DKK2: variants seen among roughly 807,000 people sequenced by gnomAD.
DKK2 encodes the protein dickkopf-related protein 2.
A neutral mutation model predicts 28.1 loss-of-function variants in DKK2; 11 were observed. That is an observed-to-expected ratio of 0.39 (90% CI 0.25 to 0.65). DKK2 has a LOEUF of 0.65. DKK2 is among the 30% of genes least tolerant of loss of function. The pLI is 0.47. For synonymous variants in DKK2, 135 were observed against 126.5 expected (o/e 1.07, Z -0.45); for missense variants, 326 against 335.5 (o/e 0.97, Z 0.22).
At chr4:106,966,136 T>C (rs1173331327) in intron 1 of DKK2, among the ~76,000 whole-genome samples, 1 of 152,236 alleles carries the variant, frequency 6.6e-6, no homozygotes, top group East Asian at 1.9e-4. Flanking sequence ...ATGTAAAGGA[T>C]TTTAGGAAAG....
chr4:106,937,033 C>T (rs1724600525), intron 1 of DKK2, among the ~76,000 whole-genome samples: 1 of 152,076 alleles, frequency 6.6e-6, no homozygotes, highest in African/African-American at 2.4e-5. Context: ...TAAAGACCAT[C>T]AAGACTAGGA....
At chr4:107,032,124 G>A (rs1044213438) in intron 1 of DKK2, among the ~76,000 whole-genome samples, 1 of 151,866 alleles carries the variant, frequency 6.6e-6, no homozygotes, top group African/African-American at 2.4e-5. Flanking sequence ...GTACTTATTA[G>A]CAATAGCTGC....
rs543482685 is a variant in DKK2, at chr4:107,020,290, C to T, written c.222+15080G>A. Reference sequence around the variant, plus strand: ...TAAAAAGACCAAAAATGTTACAATGCATTGCAGATGCTGTGTCCAGGACCC... The same window carrying T: ...TAAAAAGACCAAAAATGTTACAATGTATTGCAGATGCTGTGTCCAGGACCC... On this transcript the variant is annotated intron_variant, in intron 1 of 3. Transcript: ENST00000285311. Among the ~76,000 whole-genome samples, 75 of 152,106 alleles carry T rather than the reference C, an allele frequency of 4.9e-4. 1 individual carries two copies. Among genetic ancestry groups the T allele is most frequent in the African/African-American group, 1.8e-3 (75 of 41,496 alleles).
intron 3 of DKK2, 109 bp downstream of exon 3, chr4:106,924,436 A>G: frequency 7.2e-7 from 1 of 1,390,076 alleles, no homozygotes. Flanking sequence ...ACTAGCTAGG[A>G]TTAAAGAAAC....
chr4:106,987,409 C>A (rs1048296306), intron 1 of DKK2, among the ~76,000 whole-genome samples: 1 of 152,182 alleles, frequency 6.6e-6, no homozygotes, highest in Non-Finnish European at 1.5e-5. Context: ...ACTTCAATTT[C>A]TCTTGCTTGT....
intron 1 of DKK2, among the ~76,000 whole-genome samples, chr4:106,963,197 A>G (rs1006863257): frequency 1.5e-4 from 23 of 152,034 alleles, no homozygotes; most frequent in African/African-American, 5.6e-4. Flanking sequence ...TACTAAAAAT[A>G]CAAAAATTAG....
intron 1 of DKK2, among the ~76,000 whole-genome samples, chr4:106,964,960 T>TAGATATAGATAGATAG (rs1553922185): frequency 2.7e-5 from 4 of 146,342 alleles, no homozygotes; most frequent in South Asian, 2.2e-4. Flanking sequence ...GATAGATAGA[T>TAGATATAGATAGATAG]ATAGATAGAT....
At chr4:106,972,851 T>C (rs1722887466) in intron 1 of DKK2, among the ~76,000 whole-genome samples, 1 of 152,100 alleles carries the variant, frequency 6.6e-6, no homozygotes. Flanking sequence ...CAATCTGTCA[T>C]TTACATTAGG....
intron 1 of DKK2, among the ~76,000 whole-genome samples, chr4:107,031,273 G>A (rs1447341448): frequency 6.6e-6 from 1 of 151,886 alleles, no homozygotes; most frequent in African/African-American, 2.4e-5. Context: ...CTCCTAAGCA[G>A]GAGAAAGTTG....
intron 1 of DKK2, among the ~76,000 whole-genome samples, chr4:106,964,854 G>A (rs1452337397): frequency 2.0e-5 from 3 of 151,914 alleles, no homozygotes; most frequent in Non-Finnish European, 4.4e-5. Context: ...AGGATTTTTG[G>A]ACTTGTCAGT....
At chr4:106,992,033 A>C (rs1162309251) in intron 1 of DKK2, among the ~76,000 whole-genome samples, 2 of 152,202 alleles carry the variant, frequency 1.3e-5, no homozygotes, top group Non-Finnish European at 2.9e-5. Context: ...AATGACAGTC[A>C]CTTGCTGAAA....
intron 1 of DKK2, among the ~76,000 whole-genome samples, chr4:106,960,463 T>A (rs1231410517): frequency 6.6e-6 from 1 of 152,040 alleles, no homozygotes; most frequent in South Asian, 2.1e-4. Flanking sequence ...AACTAACTTT[T>A]GGGAACAATG....
chr4:106,946,923 T>C (rs989447093), intron 1 of DKK2, among the ~76,000 whole-genome samples: 1 of 152,034 alleles, frequency 6.6e-6, no homozygotes, highest in Non-Finnish European at 1.5e-5. Flanking sequence ...TTCCAAACCA[T>C]TGTGATCCAT....
chr4:106,966,323 G>GT (rs59062684), intron 1 of DKK2, among the ~76,000 whole-genome samples: 6 of 152,056 alleles, frequency 3.9e-5, no homozygotes, highest in Non-Finnish European at 8.8e-5. Context: ...AATAATAAAT[G>GT]TTTTTTTGCT....
At chr4:106,974,534 T>C (rs1319195433) in intron 1 of DKK2, among the ~76,000 whole-genome samples, 4 of 152,176 alleles carry the variant, frequency 2.6e-5, no homozygotes, top group Non-Finnish European at 5.9e-5. Flanking sequence ...ATGATTTGGC[T>C]CTCTATTTGT....
chr4:106,965,455 A>G (rs187043788), intron 1 of DKK2, among the ~76,000 whole-genome samples: 2 of 152,292 alleles, frequency 1.3e-5, no homozygotes, highest in Admixed American at 1.3e-4. Flanking sequence ...AAACTGGAAC[A>G]TATCACCAAA....
At chr4:106,983,325 AAAGG>A (rs1218243986) in intron 1 of DKK2, among the ~76,000 whole-genome samples, 1 of 105,592 alleles carries the variant, frequency 9.5e-6, no homozygotes, top group African/African-American at 3.7e-5. Flanking sequence ...AAGAAGAAAG[AAAGG>A]AAGAAAGGAA....
At chr4:106,925,697 A>G in intron 2 of DKK2, 102 bp downstream of exon 2, 1 of 1,437,338 alleles carries the variant, frequency 7.0e-7, no homozygotes. Context: ...CAGGCTTCTT[A>G]TATTTCAGGA....
chr4:106,922,314 G>T lies in DKK2; in HGVS notation c.*1640C>A, dbSNP rs559831060. 5 of 152,100 alleles carry T rather than the reference G, an allele frequency of 3.3e-5. No homozygotes were observed. Among genetic ancestry groups the T allele is most frequent in the Non-Finnish European group, 7.4e-5 (5 of 68,008 alleles). The allele number at this position is 152,100 out of a possible 1,614,324, so 9.4% of individuals were successfully genotyped here. A position where few individuals can be genotyped will look rare whatever the true frequency, so the allele number is the denominator to read the frequency against. ...AAAGAAAACTAAAAAGTGAATTGTGGTCTACAAAAGTTTAAAGTCACGACT... is the reference window on the plus strand; with the variant it reads ...AAAGAAAACTAAAAAGTGAATTGTGTTCTACAAAAGTTTAAAGTCACGACT... On this transcript the variant is annotated 3_prime_UTR_variant, in exon 4 of 4. Transcript: ENST00000285311.
Sources: allele counts gnomAD v4.1 joint callset (sites outside exome capture counted in the v4.1 genomes callset), GRCh38; gene constraint gnomAD v4.1.1; transcripts MANE v1.5; gene names NCBI Gene and HGNC (gene_info 2026-07-23, HGNC 2026-07-21).